PID1: variants seen among roughly 807,000 people sequenced by gnomAD.
PID1 encodes PTB-containing, cubilin and LRP1-interacting protein.
PID1 carries 10 observed loss-of-function variants against 19.1 expected under a neutral mutation model. The ratio of observed to expected loss-of-function variants is 0.52; its 90% confidence interval spans 0.32 to 0.89. The LOEUF (loss-of-function observed/expected upper bound fraction) is 0.89. PID1 is among the 40% of genes least tolerant of loss of function. PID1 has a pLI of 0.03. For missense variants in PID1, 248 were observed against 285.3 expected (o/e 0.87, Z 0.94); for synonymous variants, 130 against 116.0 (o/e 1.12, Z -0.78).
intron 1 of PID1, among the ~76,000 whole-genome samples, chr2:229,253,658 G>A (rs775608567): frequency 1.3e-5 from 2 of 151,536 alleles, no homozygotes; most frequent in African/African-American, 2.4e-5. Context: ...GTTTTTACAC[G>A]GAAGGGTACC....
chr2:229,255,296 G>C (rs1007859141), intron 1 of PID1, among the ~76,000 whole-genome samples: 2 of 152,174 alleles, frequency 1.3e-5, no homozygotes, highest in African/African-American at 4.8e-5. Flanking sequence ...AAAATCATCA[G>C]AATCCTGTAA....
chr2:229,235,238 G>T (rs1004372494), intron 1 of PID1, among the ~76,000 whole-genome samples: 5 of 152,148 alleles, frequency 3.3e-5, no homozygotes, highest in African/African-American at 9.7e-5. Context: ...CTGGAGAAAA[G>T]GAAAAGTAAG....
At chr2:229,149,725 C>T (rs1345281) in intron 2 of PID1, among the ~76,000 whole-genome samples, 66,266 of 152,002 alleles carry the variant, frequency 0.44, 14,675 homozygotes, top group South Asian at 0.6. Context: ...CGGCTTTAGA[C>T]TGGGCTTCAC....
chr2:229,045,414 C>G lies in PID1; in HGVS notation c.178-19306G>C, dbSNP rs561530560. On this transcript the variant is annotated intron_variant, in intron 2 of 2. Coordinates refer to ENST00000392055, the MANE Select transcript of PID1 (RefSeq NM_001100818.2). ...GATGTCCATGTAACCTAAAATGTGG[C>G]CAACCTGATACTTATGCTCTTTCCT... Among the ~76,000 whole-genome samples the G allele has an allele frequency of 1.1e-4, 16 of 152,332 alleles. No homozygotes were observed. In the South Asian group the frequency reaches 3.1e-3, roughly 30 times the overall value.
chr2:229,030,446 T>C (rs549366493), intron 2 of PID1, among the ~76,000 whole-genome samples: 1 of 152,188 alleles, frequency 6.6e-6, no homozygotes, highest in East Asian at 1.9e-4. Context: ...AAAATAAAAA[T>C]AAATTAGGGA....
chr2:229,057,655 C>T (rs911648678), intron 2 of PID1, among the ~76,000 whole-genome samples: 3 of 152,032 alleles, frequency 2.0e-5, no homozygotes, highest in Non-Finnish European at 2.9e-5. Flanking sequence ...AGAAATATCA[C>T]CAACATAGGA....
At chr2:229,107,107 T>A (rs909083829) in intron 2 of PID1, among the ~76,000 whole-genome samples, 2 of 152,082 alleles carry the variant, frequency 1.3e-5, no homozygotes, top group Non-Finnish European at 2.9e-5. Context: ...CATACTTCCA[T>A]GACCCAAGAA....
rs76717028 is a variant in PID1, at chr2:229,078,306, A to G, written c.178-52198T>C. 7.3e-4 allele frequency among the ~76,000 whole-genome samples: 111 copies of G among 152,306 alleles called. No homozygotes were observed. In the East Asian group the frequency reaches 0.02, roughly 28 times the overall value. ...CTTAAGGGGCTTTTTGGCTGACACA[A>G]TAGGGTTTTCTAAATATACAATCAT... On this transcript the variant is annotated intron_variant, in intron 2 of 2. Coordinates refer to ENST00000392055, the MANE Select transcript of PID1 (RefSeq NM_001100818.2).
At chr2:229,057,804 T>C (rs1694134574) in intron 2 of PID1, among the ~76,000 whole-genome samples, 1 of 152,164 alleles carries the variant, frequency 6.6e-6, no homozygotes, top group African/African-American at 2.4e-5. Flanking sequence ...TATGAATAAT[T>C]CTCTTCTGAA....
intron 2 of PID1, among the ~76,000 whole-genome samples, chr2:229,031,110 G>A (rs1351480795): frequency 6.6e-6 from 1 of 150,844 alleles, no homozygotes; most frequent in South Asian, 2.1e-4. Context: ...CAGCTACTGG[G>A]GAGGCTGAGG....
intron 2 of PID1, among the ~76,000 whole-genome samples, chr2:229,045,051 TC>T (rs1281131584): frequency 6.6e-6 from 1 of 152,106 alleles, no homozygotes; most frequent in Non-Finnish European, 1.5e-5. Context: ...CCTCCCAGAT[TC>T]AAGCAATTCT....
intron 1 of PID1, among the ~76,000 whole-genome samples, chr2:229,248,451 T>C (rs1321582371): frequency 1.3e-5 from 2 of 152,226 alleles, no homozygotes; most frequent in Admixed American, 6.5e-5. Context: ...ATTTCTTCCA[T>C]TGGACTTTTC....
At chr2:229,205,268 C>T (rs1691585959) in intron 1 of PID1, among the ~76,000 whole-genome samples, 1 of 151,962 alleles carries the variant, frequency 6.6e-6, no homozygotes, top group Admixed American at 6.6e-5. Flanking sequence ...TACATACACA[C>T]ACAAACACAC....
chr2:229,152,059 G>A (rs1430133951), intron 2 of PID1, among the ~76,000 whole-genome samples: 1 of 152,116 alleles, frequency 6.6e-6, no homozygotes, highest in African/African-American at 2.4e-5. Context: ...TCAGCTTTCT[G>A]GACTGCCATA....
At chr2:229,211,003 G>A (rs1461241682) in intron 1 of PID1, among the ~76,000 whole-genome samples, 1 of 152,174 alleles carries the variant, frequency 6.6e-6, no homozygotes, top group Non-Finnish European at 1.5e-5. Context: ...TCGACTACTA[G>A]TTTCTAAAGC....
At chr2:229,187,611 C>T (rs1029320779) in intron 1 of PID1, among the ~76,000 whole-genome samples, 8 of 152,164 alleles carry the variant, frequency 5.3e-5, no homozygotes, top group Non-Finnish European at 2.9e-5. Context: ...CCCACAATAC[C>T]TGGGAATTCA....
chr2:229,174,925 G>A (rs1690787974), intron 1 of PID1, among the ~76,000 whole-genome samples: 1 of 152,142 alleles, frequency 6.6e-6, no homozygotes, highest in Non-Finnish European at 1.5e-5. Context: ...ACCCTTAAGA[G>A]TCTGGCAGCT....
At chr2:229,254,826 T>C (rs1401854167) in intron 1 of PID1, among the ~76,000 whole-genome samples, 1 of 152,226 alleles carries the variant, frequency 6.6e-6, no homozygotes, top group Non-Finnish European at 1.5e-5. Context: ...CTAATGTATA[T>C]TTGTATTTTC....
intron 2 of PID1, among the ~76,000 whole-genome samples, chr2:229,114,639 G>A (rs1695373503): frequency 6.6e-6 from 1 of 152,022 alleles, no homozygotes; most frequent in Admixed American, 6.6e-5. Context: ...TATTCGCATT[G>A]ACTGTGACTC....
Sources: gnomAD v4.1 joint callset for allele counts (sites outside exome capture counted in the v4.1 genomes callset) on GRCh38, gnomAD v4.1.1 for gene constraint, MANE v1.5 for transcripts, NCBI Gene and HGNC (gene_info 2026-07-23, HGNC 2026-07-21) for gene names.